ZSWIM5: variants seen among roughly 807,000 people sequenced by gnomAD.
ZSWIM5 encodes zinc finger SWIM domain-containing protein 5.
ZSWIM5 carries 55 observed loss-of-function variants against 119.6 expected under a neutral mutation model. The ratio of observed to expected loss-of-function variants is 0.46; its 90% confidence interval spans 0.37 to 0.58. The LOEUF (loss-of-function observed/expected upper bound fraction) is 0.58. Among genes scored for constraint, ZSWIM5 ranks in the 20% least tolerant of loss-of-function variants. The pLI is 0.00. For synonymous variants in ZSWIM5, 537 were observed against 606.9 expected (o/e 0.88, Z 1.69); for missense variants, 1,193 against 1,512.8 (o/e 0.79, Z 3.51).
chr1:45,058,260 G>A (rs538668888), intron 4 of ZSWIM5, among the ~76,000 whole-genome samples: 20 of 152,326 alleles, frequency 1.3e-4, no homozygotes, highest in Admixed American at 1.0e-3. Context: ...GGCTGGGAGT[G>A]ATACAGAACA....
intron 1 of ZSWIM5, among the ~76,000 whole-genome samples, chr1:45,183,502 C>G (rs1285262745): frequency 1.3e-5 from 2 of 151,962 alleles, no homozygotes; most frequent in East Asian, 3.9e-4. Flanking sequence ...ACACCGCTAG[C>G]AAGACTAATA....
chr1:45,205,856 G>A lies in ZSWIM5; in HGVS notation c.495C>T (p.Gly165=), dbSNP rs534321494. 3.4e-4 allele frequency: 485 copies of A among 1,436,412 alleles called. 2 individuals are homozygous for A. The East Asian group carries it at 0.015, about 46-fold the overall frequency. The allele number at this position is 1,436,412 out of a possible 1,614,324, so 89.0% of individuals were successfully genotyped here. The stretch of plus-strand genomic sequence containing the variant: ...CGCAGCCGGCCGCGCCGGCCCCTGC[G>A]CCCAGCCCGGGGGATGCCCCAGCCG... The part of the protein sequence containing the change: ...GVAAGASPGL[G]AGAGAAGCGG... The change falls in exon 1 of 14, where the codon GGC becomes GGT. Residue 165 remains glycine (G), a synonymous_variant. Coordinates refer to ENST00000359600, the MANE Select transcript of ZSWIM5 (RefSeq NM_020883.2).
intron 1 of ZSWIM5, among the ~76,000 whole-genome samples, chr1:45,189,172 A>T (rs79555406): frequency 0.072 from 11,013 of 152,188 alleles, 492 homozygotes; most frequent in Non-Finnish European, 0.1. Flanking sequence ...AAAATTAGCC[A>T]GGGATGGTAG....
intron 1 of ZSWIM5, among the ~76,000 whole-genome samples, chr1:45,173,940 T>C (rs1338799163): frequency 6.6e-6 from 1 of 152,084 alleles, no homozygotes; most frequent in Non-Finnish European, 1.5e-5. Flanking sequence ...TGAAATTAGA[T>C]GAGTTACGTA....
chr1:45,030,798 C>T (rs201244119), intron 11 of ZSWIM5, among the ~76,000 whole-genome samples: 11 of 133,082 alleles, frequency 8.3e-5, no homozygotes, highest in South Asian at 2.3e-4. Flanking sequence ...TTCATTCTTT[C>T]TTTTTTTTTT....
intron 1 of ZSWIM5, among the ~76,000 whole-genome samples, chr1:45,160,195 T>C (rs1040623963): frequency 2.0e-5 from 3 of 152,230 alleles, no homozygotes; most frequent in African/African-American, 7.2e-5. Flanking sequence ...TACATATTTA[T>C]TGGGTACATG....
intron 1 of ZSWIM5, among the ~76,000 whole-genome samples, chr1:45,204,556 A>T (rs1408859552): frequency 2.0e-5 from 3 of 152,212 alleles, no homozygotes; most frequent in African/African-American, 7.2e-5. Flanking sequence ...GGAATCAATG[A>T]TTCTCAATAA....
intron 1 of ZSWIM5, among the ~76,000 whole-genome samples, chr1:45,151,918 A>G (rs1278789969): frequency 6.6e-6 from 1 of 152,194 alleles, no homozygotes; most frequent in Non-Finnish European, 1.5e-5. Context: ...CCACCTTGGC[A>G]CATAATTTTT....
intron 1 of ZSWIM5, among the ~76,000 whole-genome samples, chr1:45,135,225 C>G (rs1436376557): frequency 6.6e-6 from 1 of 151,288 alleles, no homozygotes; most frequent in Non-Finnish European, 1.5e-5. Context: ...TTTTCTGCAT[C>G]AGTCATAGAA....
At chr1:45,142,908 T>C (rs1645735674) in intron 1 of ZSWIM5, among the ~76,000 whole-genome samples, 1 of 150,652 alleles carries the variant, frequency 6.6e-6, no homozygotes, top group Admixed American at 6.6e-5. Context: ...TGGTGGCTCA[T>C]ACCTATAATC....
At chr1:45,087,830 C>T in intron 2 of ZSWIM5, 51 bp downstream of exon 2, 1 of 1,330,378 alleles carries the variant, frequency 7.5e-7, no homozygotes, top group Non-Finnish European at 1.0e-6. Flanking sequence ...GCTTTGGTGA[C>T]AGTGGTGATG....
intron 4 of ZSWIM5, 21 bp downstream of exon 4, chr1:45,058,588 C>T: frequency 6.2e-7 from 1 of 1,613,974 alleles, no homozygotes; most frequent in East Asian, 2.2e-5. Context: ...CAAAGCACTT[C>T]TCTGAATGAT....
At chr1:45,084,015 T>C (rs751419292) in intron 2 of ZSWIM5, among the ~76,000 whole-genome samples, 8 of 152,152 alleles carry the variant, frequency 5.3e-5, no homozygotes, top group Non-Finnish European at 1.0e-4. Context: ...GCTCAAGCCA[T>C]CCTCCCACCT....
intron 1 of ZSWIM5, among the ~76,000 whole-genome samples, chr1:45,114,994 G>A (rs1453166966): frequency 1.3e-5 from 2 of 152,238 alleles, no homozygotes; most frequent in African/African-American, 4.8e-5. Context: ...TCCCAAGGCA[G>A]AAGAATTTCT....
intron 1 of ZSWIM5, among the ~76,000 whole-genome samples, chr1:45,155,809 C>T (rs1477668196): frequency 6.6e-6 from 1 of 152,178 alleles, no homozygotes; most frequent in South Asian, 2.1e-4. Context: ...GTTATGTTCT[C>T]ACTCATAAGC....
chr1:45,059,618 T>C (rs1645141628), intron 3 of ZSWIM5, among the ~76,000 whole-genome samples: 1 of 152,118 alleles, frequency 6.6e-6, no homozygotes, highest in African/African-American at 2.4e-5. Flanking sequence ...ATGAATATAC[T>C]AAAAACCACT....
At position 45,206,074 on chromosome 1, in the gene ZSWIM5, C is replaced by A; in HGVS notation, c.277G>T (p.Val93Leu). The A allele has an allele frequency of 6.2e-7, 1 of 1,611,732 alleles. No homozygotes were observed. The highest frequency in any genetic ancestry group is 8.5e-7 in the Non-Finnish European group (1 of 1,179,336). Residue 93 changes from valine (V) to leucine (L), a missense_variant, in exon 1 of 14, where the codon GTG becomes TTG. Transcript: ENST00000359600. The stretch of plus-strand genomic sequence containing the variant: ...GACCAGTAGACGATGCGGCGCTGCA[C>A]GGGCTCCGGGATCCGCTCGAAGCGC... ...EERFERIPEP[V>L]QRRIVYWSFP...
At chr1:45,040,315 C>A in intron 7 of ZSWIM5, 77 bp downstream of exon 7, 3 of 1,414,782 alleles carry the variant, frequency 2.1e-6, no homozygotes, top group South Asian at 1.7e-5. Context: ...TTCCCTAGTT[C>A]TTCTGGGCCT....
At chr1:45,166,289 A>T (rs1050097112) in intron 1 of ZSWIM5, among the ~76,000 whole-genome samples, 3 of 152,130 alleles carry the variant, frequency 2.0e-5, no homozygotes, top group Admixed American at 6.6e-5. Context: ...AAAAACTCTC[A>T]ATAAACTAGG....
Sources: gnomAD v4.1 joint callset for allele counts (sites outside exome capture counted in the v4.1 genomes callset) on GRCh38, gnomAD v4.1.1 for gene constraint, MANE v1.5 for transcripts, NCBI Gene and HGNC (gene_info 2026-07-23, HGNC 2026-07-21) for gene names.